The following TWF1 variants were observed in gnomAD, a reference collection of about 807,000 sequenced individuals.
TWF1 encodes twinfilin-1.
In TWF1, 14 loss-of-function variants were observed where a neutral mutation model predicts 47.9. The observed-to-expected ratio is 0.29, with a 90% CI of 0.19 to 0.46. The LOEUF (loss-of-function observed/expected upper bound fraction) is 0.46. Ranked by LOEUF, TWF1 falls within the 20% of genes least tolerant of loss-of-function variation. The pLI, the probability that TWF1 is intolerant of heterozygous loss-of-function variation, is 1.00. For missense variants in TWF1, 281 were observed against 409.3 expected, an observed-to-expected ratio of 0.69 and a Z score of 2.70; for synonymous variants, 96 against 139.2, an observed-to-expected ratio of 0.69 and a Z score of 2.18.
chr12:43,797,131 A>G, intron 7 of TWF1, 34 bp from the exon 8 acceptor site: 1 of 1,545,704 alleles, frequency 6.5e-7, no homozygotes, highest in South Asian at 1.2e-5. Flanking sequence ...TATAATTAGC[A>G]TATCAATACA....
intron 5 of TWF1, among the ~76,000 whole-genome samples, chr12:43,799,051 C>A (rs1328961627): frequency 1.3e-5 from 2 of 151,952 alleles, no homozygotes; most frequent in Non-Finnish European, 2.9e-5. Context: ...CTTCAGGCAA[C>A]CTTATTAGAT....
intron 1 of TWF1, 143 bp downstream of exon 1, chr12:43,806,078 G>A (rs1047291929): frequency 3.3e-6 from 5 of 1,517,710 alleles, no homozygotes; most frequent in South Asian, 2.4e-5. Context: ...GGAGCGCGGA[G>A]AGGCGCCGAG....
At position 43,794,426 on chromosome 12, in the gene TWF1, C is replaced by T. The variant is rs904098587; in HGVS notation, c.*1159G>A. 7.3e-5 allele frequency: 11 copies of T among 150,310 alleles called. No individual in the cohort carries two copies. The highest frequency in any genetic ancestry group is 6.7e-4 in the Admixed American group (10 of 14,984). The allele number at this position is 150,310 out of a possible 1,614,324, so 9.3% of individuals were successfully genotyped here. A position where few individuals can be genotyped will look rare whatever the true frequency, so the allele number is the denominator to read the frequency against. ...CTTCACACTATGAAATGTGCATTTC[C>T]GATAAGTGATTTATGCAGCATAAAG... On this transcript the variant is annotated 3_prime_UTR_variant, in exon 9 of 9. Transcript: ENST00000395510.
At chr12:43,799,372 G>T in intron 5 of TWF1, 26 bp downstream of exon 5, 2 of 1,441,724 alleles carry the variant, frequency 1.4e-6, no homozygotes, top group Non-Finnish European at 1.9e-6. Context: ...TTAAAATCTT[G>T]CAAAGACTTT....
In TWF1 at chr12:43,795,454, G is replaced by A. The variant is rs1942531754; in HGVS notation, c.*131C>T. On this transcript the variant is annotated 3_prime_UTR_variant, in exon 9 of 9. Transcript: ENST00000395510. The stretch of plus-strand genomic sequence containing the variant: ...ACATTAATTTTAAAAACACACAGAA[G>A]TGAAAAGTGCTATTTTCCAAAAAGT... 1.4e-6 allele frequency: 1 copy of A among 728,580 alleles called. No homozygotes were observed. Among genetic ancestry groups the A allele is most frequent in the African/African-American group, 1.8e-5 (1 of 56,322 alleles). 45.1% of individuals were successfully genotyped at this position (728,580 alleles called of 1,614,324 possible).
At chr12:43,805,901 G>A in intron 1 of TWF1, 5 of 1,480,418 alleles carry the variant, frequency 3.4e-6, no homozygotes, top group Non-Finnish European at 4.5e-6. Flanking sequence ...TGACCAAAAG[G>A]GGGAAAGTTG....
intron 7 of TWF1, 52 bp downstream of exon 7, chr12:43,797,250 T>A: frequency 1.3e-6 from 2 of 1,522,410 alleles, no homozygotes; most frequent in Non-Finnish European, 1.8e-6. Context: ...ATAGGGCTGA[T>A]ACACCAATAA....
chr12:43,806,092 C>G, intron 1 of TWF1, 129 bp downstream of exon 1: 1 of 1,519,684 alleles, frequency 6.6e-7, no homozygotes, highest in Non-Finnish European at 8.8e-7. Flanking sequence ...CGCCGAGGCC[C>G]GGCTCGCCCC....
At chr12:43,802,589 A>C (rs1314539642) in intron 2 of TWF1, 125 bp from the exon 3 acceptor site, 8 of 731,880 alleles carry the variant, frequency 1.1e-5, no homozygotes, top group Non-Finnish European at 1.6e-5. Flanking sequence ...CAAAAAGTTG[A>C]AAAGAAAAAT....
intron 3 of TWF1, among the ~76,000 whole-genome samples, chr12:43,801,471 A>C (rs533350475): frequency 6.6e-6 from 1 of 152,256 alleles, no homozygotes; most frequent in South Asian, 2.1e-4. Flanking sequence ...TAATAAGAAA[A>C]ATTCAAATTA....
In TWF1 at chr12:43,806,187, C is replaced by T. The variant is rs763367782; in HGVS notation, c.25+34G>A. The T allele has an allele frequency of 4.2e-5, 62 of 1,484,854 alleles. 3 individuals carry two copies. In the South Asian group the frequency reaches 7.2e-4, roughly 17 times the overall value. The allele number at this position is 1,484,854 out of a possible 1,614,324, so 92.0% of individuals were successfully genotyped here. Reference sequence around the variant, plus strand: ...CCGGCTCTCCCGGCTCTCCCGGAAGCCCCTTCCCTGCGAGTCGCGCCGGGC... The same window carrying T: ...CCGGCTCTCCCGGCTCTCCCGGAAGTCCCTTCCCTGCGAGTCGCGCCGGGC... On this transcript the variant is annotated intron_variant, in intron 1 of 8. Transcript: ENST00000395510.
At chr12:43,797,611 A>T (rs1213979032) in intron 6 of TWF1, 97 bp downstream of exon 6, 1 of 1,468,180 alleles carries the variant, frequency 6.8e-7, no homozygotes, top group Admixed American at 2.3e-5. Flanking sequence ...GAAATCAGAA[A>T]GCTATTTAAA....
rs567043700 is a variant in TWF1 at position 43,804,477 on chromosome 12, T to C, written c.103+18A>G. 2.5e-5 allele frequency: 38 copies of C among 1,501,742 alleles called. No homozygotes were observed. In the African/African-American group the frequency reaches 4.0e-4, roughly 16 times the overall value. The allele number at this position is 1,501,742 out of a possible 1,614,324, so 93.0% of individuals were successfully genotyped here. On this transcript the variant is annotated intron_variant, in intron 2 of 8. Coordinates refer to ENST00000395510, the MANE Select transcript of TWF1 (RefSeq NM_002822.5). Reference sequence around the variant, plus strand: ...CACTAATCCAGGAACAGAAAATATTTTAAAATATTTAACTAACCATTTTCA... The same window carrying C: ...CACTAATCCAGGAACAGAAAATATTCTAAAATATTTAACTAACCATTTTCA...
At chr12:43,797,592 T>C (rs1442784851) in intron 6 of TWF1, 116 bp downstream of exon 6, 2 of 1,440,936 alleles carry the variant, frequency 1.4e-6, no homozygotes, top group African/African-American at 2.9e-5. Flanking sequence ...ATTTACAAAA[T>C]GAATTTTAGA....
chr12:43,796,970 G>C lies in TWF1; in HGVS notation c.882+6C>G. On this transcript the variant is annotated splice_donor_region_variant and intron_variant, in intron 8 of 8. Transcript: ENST00000395510. ...AAAACTGAAGATTTTAAAATAGGTG[G>C]GCTACCTTTCTAATTACATCCATTT... 2 of 1,607,172 alleles carry C rather than the reference G, an allele frequency of 1.2e-6. No individual in the cohort carries two copies. Among genetic ancestry groups the C allele is most frequent in the South Asian group, 1.1e-5 (1 of 89,750 alleles).
intron 5 of TWF1, chr12:43,798,626 A>T (rs893372449): frequency 1.3e-6 from 2 of 1,503,290 alleles, no homozygotes; most frequent in African/African-American, 2.8e-5. Context: ...ACTCGTAAAA[A>T]AAAAAAAAAA....
intron 5 of TWF1, among the ~76,000 whole-genome samples, chr12:43,798,932 A>G (rs1942608275): frequency 6.6e-6 from 1 of 152,112 alleles, no homozygotes; most frequent in Non-Finnish European, 1.5e-5. Context: ...TGACTCTAAT[A>G]TGCTCAACAG....
intron 3 of TWF1, among the ~76,000 whole-genome samples, chr12:43,801,972 G>A (rs1378038475): frequency 6.6e-6 from 1 of 152,218 alleles, no homozygotes; most frequent in Non-Finnish European, 1.5e-5. Context: ...AGAGGTTGCA[G>A]TGAGCCGAAA....
At position 43,794,104 on chromosome 12, in the gene TWF1, G is replaced by A. The variant is rs894774125; in HGVS notation, c.*1481C>T. 1.3e-5 allele frequency: 2 copies of A among 152,514 alleles called. No individual in the cohort carries two copies. The highest frequency in any genetic ancestry group is 4.8e-5 in the African/African-American group (2 of 41,396). The allele number at this position is 152,514 out of a possible 1,614,324, so 9.4% of individuals were successfully genotyped here. A position where few individuals can be genotyped will look rare whatever the true frequency, so the allele number is the denominator to read the frequency against. On this transcript the variant is annotated 3_prime_UTR_variant, in exon 9 of 9. Coordinates refer to ENST00000395510, the MANE Select transcript of TWF1 (RefSeq NM_002822.5). ...TTCCTGACTGAAAATAACAGCTTCA[G>A]CTATGGTCTGCTCCAGGATTCTTAA...
Sources: allele counts gnomAD v4.1 joint callset (sites outside exome capture counted in the v4.1 genomes callset), GRCh38; gene constraint gnomAD v4.1.1; transcripts MANE v1.5; gene names NCBI Gene and HGNC (gene_info 2026-07-23, HGNC 2026-07-21).